CAMTA1: variants seen among roughly 807,000 people sequenced by gnomAD.
CAMTA1 encodes the protein calmodulin-binding transcription activator 1.
Under a neutral mutation model 170.9 loss-of-function variants are expected in CAMTA1, and 27 were observed. The ratio of observed to expected loss-of-function variants is 0.16; its 90% CI spans 0.12 to 0.22. The LOEUF (loss-of-function observed/expected upper bound fraction) is 0.22, where lower values mean the gene tolerates loss of function less well. Ranked by LOEUF, CAMTA1 falls within the 10% of genes least tolerant of loss-of-function variation. The pLI, the probability that CAMTA1 is intolerant of heterozygous loss-of-function variation, is 1.00. For synonymous variants in CAMTA1, 833 were observed against 891.5 expected, an observed-to-expected ratio of 0.93 and a Z score of 1.17; for missense variants, 1,619 against 2,217.2, an observed-to-expected ratio of 0.73 and a Z score of 5.42.
chr1:7,149,773 G>A (rs773110995), intron 4 of CAMTA1, among the ~76,000 whole-genome samples: 3 of 152,334 alleles, frequency 2.0e-5, no homozygotes, highest in South Asian at 2.1e-4. Flanking sequence ...CGGCCAGCAG[G>A]TCAGAGCTGG....
chr1:7,268,663 A>C (rs1174655219), intron 5 of CAMTA1, among the ~76,000 whole-genome samples: 1 of 152,254 alleles, frequency 6.6e-6, no homozygotes, highest in Non-Finnish European at 1.5e-5. Flanking sequence ...GCTGATCTGC[A>C]AATAATGCAA....
At chr1:7,379,900 T>C (rs1400406640) in intron 5 of CAMTA1, among the ~76,000 whole-genome samples, 1 of 152,154 alleles carries the variant, frequency 6.6e-6, no homozygotes, top group Non-Finnish European at 1.5e-5. Context: ...CCTTGCGCCA[T>C]GGAGCAGAGA....
chr1:6,981,125 T>G (rs1005396681), intron 3 of CAMTA1, among the ~76,000 whole-genome samples: 5 of 151,964 alleles, frequency 3.3e-5, no homozygotes, highest in Admixed American at 6.6e-5. Context: ...AAGACGTAAA[T>G]ACACCAAGTG....
intron 6 of CAMTA1, among the ~76,000 whole-genome samples, chr1:7,476,845 G>C (rs11120942): frequency 0.039 from 5,999 of 152,236 alleles, 169 homozygotes; most frequent in South Asian, 0.12. Flanking sequence ...GTCATCGAAG[G>C]CTGCGGGCAA....
intron 6 of CAMTA1, among the ~76,000 whole-genome samples, chr1:7,539,528 C>T (rs532629702): frequency 2.0e-5 from 3 of 152,336 alleles, no homozygotes; most frequent in East Asian, 3.9e-4. Context: ...TGAACCATTC[C>T]AGGGGATATA....
intron 11 of CAMTA1, among the ~76,000 whole-genome samples, chr1:7,712,864 C>T (rs1219456929): frequency 4.6e-5 from 7 of 152,038 alleles, no homozygotes; most frequent in Admixed American, 1.3e-4. Flanking sequence ...TGGCAGCAGG[C>T]GAGAGGACGT....
chr1:7,498,406 AGTGTGTATGAGTGTGTGGATGTGC>A (rs1557818451), intron 6 of CAMTA1, among the ~76,000 whole-genome samples: 1 of 143,312 alleles, frequency 7.0e-6, no homozygotes, highest in Non-Finnish European at 1.5e-5. Context: ...AATGTGTATG[AGTGTGTATGAGTGTGTGGATGTGC>A]GTGTGTATGA....
At chr1:7,583,708 G>A (rs373664659) in intron 6 of CAMTA1, among the ~76,000 whole-genome samples, 16 of 152,122 alleles carry the variant, frequency 1.1e-4, no homozygotes, top group East Asian at 3.9e-4. Context: ...GCTCTGTCCC[G>A]TCCCAAGTCC....
chr1:7,628,186 G>A (rs1233625253), intron 6 of CAMTA1, among the ~76,000 whole-genome samples: 1 of 152,172 alleles, frequency 6.6e-6, no homozygotes, highest in African/African-American at 2.4e-5. Context: ...CCTTCTCCAT[G>A]TGCTGGCAAG....
intron 11 of CAMTA1, among the ~76,000 whole-genome samples, chr1:7,704,786 CGCGGGGCCGGGCTGGGCCGGGCCGG>C (rs944284473): frequency 5.4e-5 from 8 of 147,256 alleles, no homozygotes; most frequent in East Asian, 2.0e-4. Flanking sequence ...GCTGAGCGGG[CGCGGGGCCGGGCTGGGCCGGGCCGG>C]GCGGGGCCGG....
intron 12 of CAMTA1, among the ~76,000 whole-genome samples, chr1:7,735,678 A>G (rs1344608593): frequency 6.6e-6 from 1 of 152,110 alleles, no homozygotes; most frequent in African/African-American, 2.4e-5. Context: ...TCGTGTCTGT[A>G]GAGCTGTGGA....
In CAMTA1 at chr1:6,918,041, A is replaced by G. The variant is rs1681219263; in HGVS notation, c.234+92831A>G. 6.6e-6 allele frequency among the ~76,000 whole-genome samples: 1 copy of G among 152,120 alleles called. No individual in the cohort carries two copies. The highest frequency in any genetic ancestry group is 2.4e-5 in the African/African-American group (1 of 41,414). On this transcript the variant is annotated intron_variant, in intron 3 of 22. Coordinates refer to ENST00000303635, the MANE Select transcript of CAMTA1 (RefSeq NM_015215.4). The surrounding 1 kb of genome is among the most constrained non-coding windows in gnomAD (Gnocchi z 4.0). ...GGCTGGGTTAGGCCTCACATCTAGA[A>G]GGCCCCAAATGCCCAAGTTCTTGGG...
In CAMTA1 at chr1:7,010,883, C is replaced by A. The variant is rs766220125; in HGVS notation, c.235-80421C>A. On this transcript the variant is annotated intron_variant, in intron 3 of 22. Transcript: ENST00000303635. The surrounding 1 kb of genome is among the most constrained non-coding windows in gnomAD (Gnocchi z 4.4). The stretch of plus-strand genomic sequence containing the variant: ...AATGCTCTTATCAGGCACCTGGGAC[C>A]TAAGCAGGTGCCCTAACCAGCAGCA... Among the ~76,000 whole-genome samples, 1 of 152,216 alleles carries A rather than the reference C, an allele frequency of 6.6e-6. No individual in the cohort carries two copies. Among genetic ancestry groups the A allele is most frequent in the Non-Finnish European group, 1.5e-5 (1 of 68,036 alleles).
At chr1:7,658,697 G>A (rs1027713854) in intron 7 of CAMTA1, among the ~76,000 whole-genome samples, 1 of 152,222 alleles carries the variant, frequency 6.6e-6, no homozygotes, top group African/African-American at 2.4e-5. Flanking sequence ...CCCTCATCTT[G>A]CCTCCACCAG....
At chr1:7,003,439 A>G (rs934810858) in intron 3 of CAMTA1, among the ~76,000 whole-genome samples, 2 of 152,256 alleles carry the variant, frequency 1.3e-5, no homozygotes, top group African/African-American at 2.4e-5. Flanking sequence ...CAGGGGTGCC[A>G]GGCAGGGAAT....
At chr1:7,188,589 A>G (rs896634857) in intron 4 of CAMTA1, among the ~76,000 whole-genome samples, 1 of 152,192 alleles carries the variant, frequency 6.6e-6, no homozygotes, top group African/African-American at 2.4e-5. Context: ...TGGCAGACAT[A>G]TTTCACTTAG....
chr1:7,338,515 A>G (rs1040950970), intron 5 of CAMTA1, among the ~76,000 whole-genome samples: 1 of 152,178 alleles, frequency 6.6e-6, no homozygotes, highest in African/African-American at 2.4e-5. Context: ...CATGTATTCA[A>G]ATATTGATTG....
chr1:6,924,825 C>T (rs577882783), intron 3 of CAMTA1, among the ~76,000 whole-genome samples: 1 of 152,316 alleles, frequency 6.6e-6, no homozygotes, highest in South Asian at 2.1e-4. Context: ...AATTGAAATG[C>T]GTTGAGTAGG....
At chr1:7,083,351 AT>A (rs1277277396) in intron 3 of CAMTA1, among the ~76,000 whole-genome samples, 13 of 152,368 alleles carry the variant, frequency 8.5e-5, no homozygotes, top group African/African-American at 1.4e-4. Flanking sequence ...AATAAAAAAA[AT>A]ATAACCCATT....
Sources: allele counts gnomAD v4.1 joint callset (sites outside exome capture counted in the v4.1 genomes callset), GRCh38; gene constraint gnomAD v4.1.1; non-coding constraint Gnocchi (gnomAD v3.1); transcripts MANE v1.5; gene names NCBI Gene and HGNC (gene_info 2026-07-23, HGNC 2026-07-21).